TBC1D1: variants seen among roughly 807,000 people sequenced by gnomAD.
TBC1D1 encodes the protein TBC1 domain family member 1.
TBC1D1 carries 89 observed loss-of-function variants against 125.6 expected under a neutral mutation model. The ratio of observed to expected loss-of-function variants is 0.71; its 90% CI spans 0.60 to 0.85. The LOEUF is 0.85. Ranked by LOEUF, TBC1D1 falls within the 40% of genes least tolerant of loss-of-function variation. The pLI is 0.00. For missense variants in TBC1D1, 1,377 were observed against 1,469.2 expected (o/e 0.94, Z 1.03); for synonymous variants, 565 against 564.1 (o/e 1.00, Z -0.02).
intron 15 of TBC1D1, among the ~76,000 whole-genome samples, chr4:38,108,619 A>G (rs75708394): frequency 0.018 from 2,729 of 152,280 alleles, 47 homozygotes; most frequent in East Asian, 0.083. Flanking sequence ...CTGCCGCGAG[A>G]CGCTAAGCGT....
intron 13 of TBC1D1, among the ~76,000 whole-genome samples, chr4:38,095,542 T>C (rs968392317): frequency 3.3e-5 from 5 of 152,240 alleles, no homozygotes; most frequent in African/African-American, 1.2e-4. Context: ...TCTCCTAGTT[T>C]AGATGAAAAA....
intron 18 of TBC1D1, among the ~76,000 whole-genome samples, chr4:38,130,120 T>G (rs35770203): frequency 0.24 from 37,225 of 152,176 alleles, 5,184 homozygotes; most frequent in Admixed American, 0.36. Context: ...TGTCTAACAC[T>G]TGATGACTGG....
chr4:38,018,631 T>A (rs572807468), intron 4 of TBC1D1, among the ~76,000 whole-genome samples, 188 bp downstream of exon 4: 1 of 152,278 alleles, frequency 6.6e-6, no homozygotes, highest in African/African-American at 2.4e-5. Context: ...ATTTTGAAAT[T>A]AAGAAATTTG....
intron 1 of TBC1D1, among the ~76,000 whole-genome samples, chr4:37,897,892 A>T (rs1215307327): frequency 6.6e-6 from 1 of 152,166 alleles, no homozygotes; most frequent in Non-Finnish European, 1.5e-5. Context: ...TATTTATGGG[A>T]TTATGTGAAC....
intron 15 of TBC1D1, among the ~76,000 whole-genome samples, chr4:38,112,341 G>T (rs573922804): frequency 1.3e-5 from 2 of 152,324 alleles, no homozygotes; most frequent in Non-Finnish European, 2.9e-5. Context: ...CTGCAAAGTT[G>T]TTCCTTTACT....
chr4:37,966,546 T>C lies in TBC1D1; in HGVS notation c.418-47963T>C, dbSNP rs1046588708. Among the ~76,000 whole-genome samples, 15 of 152,264 alleles carry C rather than the reference T, an allele frequency of 9.9e-5. 1 individual carries two copies. The highest frequency in any genetic ancestry group is 3.6e-4 in the African/African-American group (15 of 41,468). On this transcript the variant is annotated intron_variant, in intron 2 of 19. Transcript: ENST00000261439. Reference sequence around the variant, plus strand: ...TGGACATTTTCAATTATGTACCTTCTCTAGCTACGCATAGAGACTAAGATG... The same window carrying C: ...TGGACATTTTCAATTATGTACCTTCCCTAGCTACGCATAGAGACTAAGATG...
At chr4:38,029,730 AATT>A (rs1458022302) in intron 7 of TBC1D1, among the ~76,000 whole-genome samples, 11 of 152,168 alleles carry the variant, frequency 7.2e-5, no homozygotes, top group African/African-American at 2.4e-4. Flanking sequence ...TCTACAGTAG[AATT>A]GGCATATGCT....
intron 6 of TBC1D1, among the ~76,000 whole-genome samples, chr4:38,024,987 A>C (rs1744792309): frequency 6.6e-6 from 1 of 152,210 alleles, no homozygotes; most frequent in African/African-American, 2.4e-5. Context: ...AACATATCAG[A>C]AGTGCAGCTC....
intron 6 of TBC1D1, among the ~76,000 whole-genome samples, chr4:38,024,232 A>C (rs1242422145): frequency 6.6e-6 from 1 of 152,230 alleles, no homozygotes; most frequent in Non-Finnish European, 1.5e-5. Flanking sequence ...GTTTGCTTTA[A>C]CTAGAGTTCC....
chr4:38,068,911 G>A (rs577077863), intron 12 of TBC1D1, among the ~76,000 whole-genome samples: 2 of 152,348 alleles, frequency 1.3e-5, no homozygotes, highest in South Asian at 4.1e-4. Flanking sequence ...CACAAATGTG[G>A]CACCATCAGC....
chr4:38,100,051 GCTGA>G (rs1310014868), intron 14 of TBC1D1, among the ~76,000 whole-genome samples: 1 of 152,182 alleles, frequency 6.6e-6, no homozygotes, highest in Non-Finnish European at 1.5e-5. Context: ...CACTTATCAT[GCTGA>G]CTGTTTTCTA....
At chr4:38,048,721 A>G (rs1265383042) in intron 10 of TBC1D1, among the ~76,000 whole-genome samples, 1 of 152,170 alleles carries the variant, frequency 6.6e-6, no homozygotes, top group African/African-American at 2.4e-5. Flanking sequence ...GCAAGCTGCT[A>G]CAATTCCTCT....
intron 2 of TBC1D1, among the ~76,000 whole-genome samples, chr4:37,944,855 C>T (rs1250100189): frequency 6.6e-6 from 1 of 152,216 alleles, no homozygotes; most frequent in Non-Finnish European, 1.5e-5. Context: ...CACCCACTGT[C>T]TGACATGCCC....
intron 17 of TBC1D1, among the ~76,000 whole-genome samples, chr4:38,122,235 C>G (rs575889642): frequency 6.6e-6 from 1 of 152,300 alleles, no homozygotes; most frequent in African/African-American, 2.4e-5. Flanking sequence ...ATACCCATAA[C>G]CTGCATCTCA....
At chr4:38,130,078 G>C (rs1040805231) in intron 18 of TBC1D1, among the ~76,000 whole-genome samples, 1 of 152,184 alleles carries the variant, frequency 6.6e-6, no homozygotes, top group African/African-American at 2.4e-5. Context: ...TCCTAGACTT[G>C]TCACTTATAA....
intron 12 of TBC1D1, among the ~76,000 whole-genome samples, chr4:38,087,183 G>A (rs549828622): frequency 6.6e-6 from 1 of 152,266 alleles, no homozygotes; most frequent in African/African-American, 2.4e-5. Context: ...AAAACATTAG[G>A]GAGACAGCTT....
intron 2 of TBC1D1, among the ~76,000 whole-genome samples, chr4:37,963,345 A>C (rs4594734): frequency 1.5e-3 from 228 of 151,010 alleles, no homozygotes; most frequent in African/African-American, 5.4e-3. Context: ...AAGGCCAAGG[A>C]GGGAGCAGGC....
At chr4:37,950,752 G>A (rs1727670992) in intron 2 of TBC1D1, among the ~76,000 whole-genome samples, 1 of 148,916 alleles carries the variant, frequency 6.7e-6, no homozygotes, top group Non-Finnish European at 1.5e-5. Flanking sequence ...ACAATGACAT[G>A]TAGTCACTTT....
rs779950187 is a variant in TBC1D1, at chr4:38,137,742, C to G, written c.*407C>G. Reference sequence around the variant, plus strand: ...CAAAGGCGTGGGTCCATCGTTCTTCCGAGAGGGTTTGTGTGGCGACTACAC... The same window carrying G: ...CAAAGGCGTGGGTCCATCGTTCTTCGGAGAGGGTTTGTGTGGCGACTACAC... On this transcript the variant is annotated 3_prime_UTR_variant, in exon 20 of 20. Coordinates refer to ENST00000261439, the MANE Select transcript of TBC1D1 (RefSeq NM_015173.4). The G allele has an allele frequency of 6.2e-6, 1 of 162,394 alleles. No individual in the cohort carries two copies. The highest frequency in any genetic ancestry group is 2.4e-5 in the African/African-American group (1 of 41,952). The allele number at this position is 162,394 out of a possible 1,614,324, so 10.1% of individuals were successfully genotyped here.
Sources: allele counts gnomAD v4.1 joint callset (sites outside exome capture counted in the v4.1 genomes callset), GRCh38; gene constraint gnomAD v4.1.1; transcripts MANE v1.5; gene names NCBI Gene and HGNC (gene_info 2026-07-23, HGNC 2026-07-21).